TMEM135: variants seen among roughly 807,000 people sequenced by gnomAD.
TMEM135 encodes the protein transmembrane protein 135, also known as peroxisomal membrane protein 52.
In TMEM135, 30 loss-of-function variants were observed where a neutral mutation model predicts 60.3. The observed-to-expected ratio is 0.50, with a 90% CI of 0.37 to 0.68. TMEM135 has a LOEUF of 0.68. Ranked by LOEUF, TMEM135 falls within the 30% of genes least tolerant of loss-of-function variation. TMEM135 has a pLI of 0.00. For missense variants in TMEM135, 468 were observed against 548.8 expected, an observed-to-expected ratio of 0.85 and a Z score of 1.47; for synonymous variants, 190 against 186.7, an observed-to-expected ratio of 1.02 and a Z score of -0.14.
chr11:87,170,457 C>T (rs142869537), intron 5 of TMEM135, among the ~76,000 whole-genome samples: 187 of 152,148 alleles, frequency 1.2e-3, no homozygotes, highest in African/African-American at 4.3e-3. Flanking sequence ...GGTGACCTTC[C>T]GATGGGGTTT....
chr11:87,283,108 G>T (rs1208862018), intron 6 of TMEM135, among the ~76,000 whole-genome samples: 1 of 152,076 alleles, frequency 6.6e-6, no homozygotes, highest in Non-Finnish European at 1.5e-5. Flanking sequence ...GCTGAGGCAG[G>T]TGGATCACCT....
At chr11:87,134,631 G>A (rs1327937831) in intron 4 of TMEM135, among the ~76,000 whole-genome samples, 1 of 152,114 alleles carries the variant, frequency 6.6e-6, no homozygotes, top group Non-Finnish European at 1.5e-5. Context: ...GTAGGCATGT[G>A]CCACCAGGCC....
intron 1 of TMEM135, among the ~76,000 whole-genome samples, chr11:87,053,227 T>TA (rs1393939572): frequency 1.3e-5 from 2 of 150,102 alleles, no homozygotes; most frequent in African/African-American, 4.9e-5. Flanking sequence ...ATGGAATACA[T>TA]AAAAGGTAAC....
At chr11:87,145,458 G>T (rs1001196439) in intron 4 of TMEM135, among the ~76,000 whole-genome samples, 1 of 152,150 alleles carries the variant, frequency 6.6e-6, no homozygotes, top group Non-Finnish European at 1.5e-5. Flanking sequence ...CAGTGGGATT[G>T]CTGGGTCATA....
At chr11:87,211,407 A>G (rs1187334520) in intron 5 of TMEM135, among the ~76,000 whole-genome samples, 3 of 152,130 alleles carry the variant, frequency 2.0e-5, no homozygotes, top group Non-Finnish European at 1.5e-5. Flanking sequence ...ATTGTCATGG[A>G]CTCAGGGAGA....
At position 87,327,079 on chromosome 11, in the gene TMEM135, A is replaced by G. The variant is rs1308881631; in HGVS notation, c.*5746A>G. 2.2e-6 allele frequency: 1 copy of G among 453,976 alleles called. No individual in the cohort carries two copies. The highest frequency in any genetic ancestry group is 4.4e-6 in the Non-Finnish European group (1 of 226,774). 28.1% of individuals were successfully genotyped at this position (453,976 alleles called of 1,614,324 possible). On this transcript the variant is annotated 3_prime_UTR_variant, in exon 15 of 15. Transcript: ENST00000305494. The stretch of plus-strand genomic sequence containing the variant: ...ATGCCTAGCCCCAGGGATGAATCAT[A>G]ATTGTTCTAGGCCTTTCATGTCTTT...
rs536183842 is a variant in TMEM135 at position 87,120,255 on chromosome 11, A to G, written c.396+28860A>G. On this transcript the variant is annotated intron_variant, in intron 4 of 14. Transcript: ENST00000305494. ...GCTGGGACCACAGGCATGCACCACT[A>G]TGACCAGCTAATTTTTTAATTTTTA... 1.4e-3 allele frequency among the ~76,000 whole-genome samples: 214 copies of G among 151,346 alleles called. 1 individual carries two copies. The highest frequency in any genetic ancestry group is 4.8e-3 in the African/African-American group (197 of 41,320).
intron 7 of TMEM135, among the ~76,000 whole-genome samples, chr11:87,300,234 A>G (rs1033898291): frequency 3.3e-5 from 5 of 152,186 alleles, no homozygotes; most frequent in Non-Finnish European, 7.3e-5. Context: ...TCAGATACGC[A>G]CTTTGGGAAG....
intron 3 of TMEM135, among the ~76,000 whole-genome samples, chr11:87,078,030 C>G (rs1263225421): frequency 6.6e-6 from 1 of 152,126 alleles, no homozygotes; most frequent in Non-Finnish European, 1.5e-5. Context: ...ATGAATGTTG[C>G]TACACTAAAC....
chr11:87,118,988 G>A (rs61904191), intron 4 of TMEM135, among the ~76,000 whole-genome samples: 19,611 of 152,170 alleles, frequency 0.13, 1,349 homozygotes, highest in Middle Eastern at 0.15. Context: ...CTCTGTGTCA[G>A]CAATAAGGCT....
At chr11:87,134,937 A>T (rs1488862088) in intron 4 of TMEM135, among the ~76,000 whole-genome samples, 2 of 152,196 alleles carry the variant, frequency 1.3e-5, no homozygotes, top group African/African-American at 2.4e-5. Flanking sequence ...AGCCATTCTA[A>T]TAGGTATATA....
intron 4 of TMEM135, among the ~76,000 whole-genome samples, chr11:87,099,690 T>TTTTTTTTTTTTG (rs1857409757): frequency 6.7e-6 from 1 of 148,772 alleles, no homozygotes. Context: ...TGGTTTTTTT[T>TTTTTTTTTTTTG]TTTTTTTTTT....
chr11:87,254,435 G>T (rs949676487), intron 6 of TMEM135, among the ~76,000 whole-genome samples: 1 of 152,018 alleles, frequency 6.6e-6, no homozygotes, highest in African/African-American at 2.4e-5. Flanking sequence ...CAAACTCTGT[G>T]GCCTTCAATA....
chr11:87,122,267 GACA>G (rs1459485737), intron 4 of TMEM135, among the ~76,000 whole-genome samples: 1 of 146,522 alleles, frequency 6.8e-6, no homozygotes, highest in African/African-American at 2.5e-5. Context: ...ATTTCGCAAA[GACA>G]ACAGACTATT....
intron 5 of TMEM135, among the ~76,000 whole-genome samples, chr11:87,218,790 C>T (rs552846939): frequency 6.6e-6 from 1 of 152,146 alleles, no homozygotes; most frequent in Non-Finnish European, 1.5e-5. Flanking sequence ...GGTGAAACCC[C>T]GTCTCTACTA....
intron 13 of TMEM135, 23 bp from the exon 14 acceptor site, chr11:87,319,287 G>T (rs1942783737): frequency 6.3e-7 from 1 of 1,589,820 alleles, no homozygotes; most frequent in Non-Finnish European, 8.6e-7. Flanking sequence ...TTTACTAAAA[G>T]AATTCTCAAA....
rs1373119181 is a variant in TMEM135, at chr11:87,327,221, C to T, written c.*5888C>T. ...CTGGGAAACACTTGGGAAAAATCTT[C>T]CCTCTCTGCTTAAAGGAAAGTTCTT... On this transcript the variant is annotated 3_prime_UTR_variant, in exon 15 of 15. Coordinates refer to ENST00000305494, the MANE Select transcript of TMEM135 (RefSeq NM_022918.4). 17 of 453,944 alleles carry T rather than the reference C, an allele frequency of 3.7e-5. No individual in the cohort carries two copies. The highest frequency in any genetic ancestry group is 2.2e-4 in the South Asian group (14 of 64,474). The allele number at this position is 453,944 out of a possible 1,614,324, so 28.1% of individuals were successfully genotyped here.
chr11:87,117,921 T>C (rs190751902), intron 4 of TMEM135, among the ~76,000 whole-genome samples: 3 of 152,296 alleles, frequency 2.0e-5, no homozygotes, highest in African/African-American at 7.2e-5. Flanking sequence ...CTTTATGAAA[T>C]AGTTGTAAGT....
chr11:87,257,752 G>T (rs1453330995), intron 6 of TMEM135, among the ~76,000 whole-genome samples: 2 of 151,786 alleles, frequency 1.3e-5, no homozygotes, highest in East Asian at 1.9e-4. Context: ...AATGGGTAAG[G>T]GTTTTTTTTA....
Sources: allele counts gnomAD v4.1 joint callset (sites outside exome capture counted in the v4.1 genomes callset), GRCh38; gene constraint gnomAD v4.1.1; transcripts MANE v1.5; gene names NCBI Gene and HGNC (gene_info 2026-07-23, HGNC 2026-07-21).